XYLT1: variants seen among roughly 807,000 people sequenced by gnomAD.
The protein encoded by XYLT1 is xylosyltransferase 1, also known as beta-D-xylosyltransferase 1.
A neutral mutation model predicts 91.3 loss-of-function variants in XYLT1; 36 were observed. That is an observed-to-expected ratio of 0.39 (90% confidence interval 0.30 to 0.52). The LOEUF is 0.52. XYLT1 is among the 20% of genes least tolerant of loss of function. The probability of loss-of-function intolerance (pLI) is 0.68; values close to 1 mark genes in which losing one functional copy is unlikely to be tolerated. For synonymous variants in XYLT1, 588 were observed against 532.0 expected (o/e 1.11, Z -1.45); for missense variants, 1,242 against 1,284.5 (o/e 0.97, Z 0.51).
At chr16:17,234,435 A>G (rs2033214420) in intron 3 of XYLT1, among the ~76,000 whole-genome samples, 1 of 152,214 alleles carries the variant, frequency 6.6e-6, no homozygotes, top group Non-Finnish European at 1.5e-5. Context: ...TAAGTTCTGC[A>G]CAGCTATCAC....
chr16:17,379,090 A>G (rs1333850192), intron 1 of XYLT1, among the ~76,000 whole-genome samples: 3 of 152,348 alleles, frequency 2.0e-5, no homozygotes, highest in Non-Finnish European at 2.9e-5. Context: ...AAAAGGCAGG[A>G]AAAAAGTGCA....
At chr16:17,136,621 G>A (rs948746012) in intron 8 of XYLT1, among the ~76,000 whole-genome samples, 2 of 151,678 alleles carry the variant, frequency 1.3e-5, no homozygotes, top group African/African-American at 4.8e-5. Flanking sequence ...AACCCATCTA[G>A]GGGCAGAACA....
intron 6 of XYLT1, among the ~76,000 whole-genome samples, chr16:17,145,397 G>T (rs2031105854): frequency 6.6e-6 from 1 of 152,192 alleles, no homozygotes; most frequent in Non-Finnish European, 1.5e-5. Context: ...TCAGGGATGG[G>T]CCAGCAATGC....
intron 10 of XYLT1, among the ~76,000 whole-genome samples, chr16:17,118,792 A>G (rs2029947746): frequency 1.3e-5 from 2 of 151,766 alleles, no homozygotes; most frequent in South Asian, 2.1e-4. Flanking sequence ...CCCATCCTCC[A>G]TCTCCATGAC....
intron 5 of XYLT1, among the ~76,000 whole-genome samples, chr16:17,162,098 C>A (rs2031569080): frequency 1.3e-5 from 2 of 152,098 alleles, no homozygotes. Context: ...ATTTGATAGT[C>A]ACAATGATGC....
At chr16:17,116,112 A>T (rs991660693) in intron 11 of XYLT1, among the ~76,000 whole-genome samples, 35 of 152,270 alleles carry the variant, frequency 2.3e-4, no homozygotes, top group African/African-American at 8.4e-4. Flanking sequence ...TTCTAAAAGG[A>T]TTCACACCAG....
chr16:17,348,305 C>G (rs957824960), intron 2 of XYLT1, among the ~76,000 whole-genome samples: 7 of 152,142 alleles, frequency 4.6e-5, no homozygotes, highest in Non-Finnish European at 1.0e-4. Flanking sequence ...GCAGAGGAAT[C>G]CTGGTTTGCT....
chr16:17,468,895 T>C (rs2036937718), intron 1 of XYLT1, among the ~76,000 whole-genome samples: 1 of 152,140 alleles, frequency 6.6e-6, no homozygotes, highest in Non-Finnish European at 1.5e-5. Flanking sequence ...AAAGAACTTC[T>C]AATTGCATTT....
intron 1 of XYLT1, among the ~76,000 whole-genome samples, chr16:17,404,841 A>G (rs2036010743): frequency 6.6e-6 from 1 of 152,244 alleles, no homozygotes; most frequent in Non-Finnish European, 1.5e-5. Flanking sequence ...AACATAGCAT[A>G]GGGATAGAAA....
At chr16:17,112,878 T>C (rs145519413) in intron 11 of XYLT1, among the ~76,000 whole-genome samples, 12,404 of 151,114 alleles carry the variant, frequency 0.082, 1,680 homozygotes, top group African/African-American at 0.28. Flanking sequence ...CTCGCTCTTG[T>C]TGCCAGGCTG....
At chr16:17,300,502 T>G (rs1432875523) in intron 2 of XYLT1, among the ~76,000 whole-genome samples, 1 of 133,616 alleles carries the variant, frequency 7.5e-6, no homozygotes, top group African/African-American at 3.1e-5. Context: ...TGTTACCCAG[T>G]CTGGAGTGCA....
At chr16:17,356,679 C>T (rs1567390381) in intron 2 of XYLT1, among the ~76,000 whole-genome samples, 1 of 152,148 alleles carries the variant, frequency 6.6e-6, no homozygotes, top group Non-Finnish European at 1.5e-5. Context: ...GCTGAGCTGT[C>T]ATTCAGCCTT....
At chr16:17,273,674 T>C (rs1023205017) in intron 2 of XYLT1, among the ~76,000 whole-genome samples, 8 of 152,006 alleles carry the variant, frequency 5.3e-5, no homozygotes, top group African/African-American at 1.9e-4. Context: ...TGAAACCCTG[T>C]CTCTACTGAA....
chr16:17,259,393 G>A lies in XYLT1; in HGVS notation c.508C>T (p.Pro170Ser), dbSNP rs1284737489. Residue 170 changes from proline (P) to serine (S), a missense_variant, in exon 3 of 12, where the codon CCC becomes TCC. By Grantham distance (74) the Pro-to-Ser change is moderately conservative. Around this residue, in one of 3 missense-constraint regions of XYLT1, gnomAD observed 437 missense variants for 411.5 expected, o/e 1.06. Coordinates refer to ENST00000261381, the MANE Select transcript of XYLT1 (RefSeq NM_022166.4). ...FENVDNSNFA[P>S]RTQKQKHQPE... ...TGGTGCTTCTGCTTTTGAGTCCTGGGTGCGAAGTTGCTGTTGTCGACATTC... is the reference window on the plus strand; with the variant it reads ...TGGTGCTTCTGCTTTTGAGTCCTGGATGCGAAGTTGCTGTTGTCGACATTC... 6.2e-6 allele frequency: 10 copies of A among 1,614,034 alleles called. No homozygotes were observed. The Admixed American group carries it at 1.2e-4, about 19-fold the overall frequency.
chr16:17,408,802 C>A (rs1334291880), intron 1 of XYLT1, among the ~76,000 whole-genome samples: 1 of 152,080 alleles, frequency 6.6e-6, no homozygotes, highest in South Asian at 2.1e-4. Flanking sequence ...CCCAAGAGAT[C>A]GCACCATTAC....
At chr16:17,114,966 T>G (rs1966848955) in intron 11 of XYLT1, among the ~76,000 whole-genome samples, 1 of 152,064 alleles carries the variant, frequency 6.6e-6, no homozygotes, top group African/African-American at 2.4e-5. Context: ...TGCCTCAGCC[T>G]CCCGAGTAGC....
At position 17,365,312 on chromosome 16, in the gene XYLT1, T is replaced by C. The variant is rs1302542388; in HGVS notation, c.364-7262A>G. Among the ~76,000 whole-genome samples, 6 of 152,190 alleles carry C rather than the reference T, an allele frequency of 3.9e-5. No homozygotes were observed. In the East Asian group the frequency reaches 9.6e-4, roughly 24 times the overall value. On this transcript the variant is annotated intron_variant, in intron 1 of 11. Coordinates refer to ENST00000261381, the MANE Select transcript of XYLT1 (RefSeq NM_022166.4). ...TGCATAACGGGGCTTTCTCTTCAGA[T>C]GTCCCCATGGGATTTCACACTGGCT...
chr16:17,285,660 G>A (rs8062743), intron 2 of XYLT1, among the ~76,000 whole-genome samples: 37,296 of 152,004 alleles, frequency 0.25, 4,630 homozygotes, highest in African/African-American at 0.27. Flanking sequence ...CCTCACCCTG[G>A]CTTGCATTCA....
intron 5 of XYLT1, among the ~76,000 whole-genome samples, chr16:17,187,393 CAAAAAAA>C (rs71137979): frequency 2.9e-4 from 16 of 55,304 alleles, no homozygotes; most frequent in African/African-American, 3.8e-4. Flanking sequence ...GACTCAGTTT[CAAAAAAA>C]AAAAAAAAAA....
Sources: allele counts gnomAD v4.1 joint callset (sites outside exome capture counted in the v4.1 genomes callset), GRCh38; gene constraint gnomAD v4.1.1; regional missense constraint gnomAD v4.1.1; transcripts MANE v1.5; gene names NCBI Gene and HGNC (gene_info 2026-07-23, HGNC 2026-07-21).